LDHD: variants seen among roughly 807,000 people sequenced by gnomAD.
LDHD encodes D-lactate dehydrogenase, mitochondrial.
A neutral mutation model predicts 52.9 loss-of-function variants in LDHD; 58 were observed. The ratio of observed to expected loss-of-function variants is 1.10; its 90% CI spans 0.89 to 1.36. LDHD has a LOEUF of 1.36. Ranked by LOEUF, LDHD falls within the 40% of genes most tolerant of loss-of-function variation. The pLI, the probability that LDHD is intolerant of heterozygous loss-of-function variation, is 0.00. For synonymous variants in LDHD, 350 were observed against 288.6 expected, an observed-to-expected ratio of 1.21 and a Z score of -2.16; for missense variants, 747 against 668.0, an observed-to-expected ratio of 1.12 and a Z score of -1.30.
At chr16:75,113,446 C>G in intron 8 of LDHD, 89 bp downstream of exon 8, 2 of 1,457,514 alleles carry the variant, frequency 1.4e-6, no homozygotes, top group Non-Finnish European at 1.8e-6. Context: ...TGAGGCTCAG[C>G]CTGCTGCTCT....
intron 10 of LDHD, 34 bp from the exon 11 acceptor site, chr16:75,112,555 C>T: frequency 6.2e-7 from 1 of 1,613,408 alleles, no homozygotes; most frequent in South Asian, 1.1e-5. Flanking sequence ...TCAGGGGGCT[C>T]CCTTTCCTCT....
intron 1 of LDHD, 90 bp downstream of exon 1, chr16:75,116,559 G>A (rs963689876): frequency 1.6e-5 from 18 of 1,110,888 alleles, no homozygotes; most frequent in Middle Eastern, 2.0e-4. Flanking sequence ...GTGCTGGGGC[G>A]TCACAGAGCC....
intron 4 of LDHD, 43 bp from the exon 5 acceptor site, chr16:75,114,728 C>A (rs2036503208): frequency 6.5e-7 from 1 of 1,549,568 alleles, no homozygotes; most frequent in South Asian, 1.2e-5. Context: ...GACCGGAGGT[C>A]CTTTCCCTCG....
rs759458966 is a variant in LDHD at position 75,112,441 on chromosome 16, ACCT to A, written c.1367_1369del (p.Glu456del). 5.6e-6 allele frequency: 9 copies of A among 1,612,788 alleles called. No individual in the cohort carries two copies. The highest frequency in any genetic ancestry group is 1.1e-5 in the South Asian group (1 of 91,050). On this transcript the variant is annotated inframe_deletion, in exon 11 of 11. Coordinates refer to ENST00000450168, the MANE Select transcript of LDHD (RefSeq NM_194436.3). ...CATGGTCTCCACGCCCACGGCGCCCACCTCCTCCTGCAGCAGCTGCCGCTTGCC... is the reference window on the plus strand; with the variant it reads ...CATGGTCTCCACGCCCACGGCGCCCACCTCCTGCAGCAGCTGCCGCTTGCC...
Position 75,114,078 on chromosome 16 carries a change from C to G in LDHD, c.717G>C (p.Leu239=). The change falls in exon 6 of 11, where the codon CTG becomes CTC. Residue 239 remains leucine (L), a synonymous_variant. Coordinates refer to ENST00000450168, the MANE Select transcript of LDHD (RefSeq NM_194436.3). ...CCACTGTGGCCTCAGGGGCAGGGTG[C>G]AGGCGCAGGGTGGTGGCTGTGATGA... ...LGLITATTLR[L]HPAPEATVAA... is the part of the protein sequence containing the mutation. 4 of 1,611,300 alleles carry G rather than the reference C, an allele frequency of 2.5e-6. No individual in the cohort carries two copies. The highest frequency in any genetic ancestry group is 3.4e-6 in the Non-Finnish European group (4 of 1,179,878).
Position 75,114,487 on chromosome 16 carries a change from C to T in LDHD, c.629+39G>A, listed in dbSNP as rs13338549. On this transcript the variant is annotated intron_variant, in intron 5 of 10. Coordinates refer to ENST00000450168, the MANE Select transcript of LDHD (RefSeq NM_194436.3). ...CTGCAGGGCAGCCCGCCAGCAGTGC[C>T]CAGGGCCAGAGCCCGGGCCCCCCGC... 6.3e-4 allele frequency: 919 copies of T among 1,467,670 alleles called. 3 individuals are homozygous for T. In the African/African-American group the frequency reaches 0.011, roughly 18 times the overall value. 90.9% of individuals were successfully genotyped at this position (1,467,670 alleles called of 1,614,324 possible). A position where few individuals can be genotyped will look rare whatever the true frequency, so the allele number is the denominator to read the frequency against.
chr16:75,112,687 C>T lies in LDHD; in HGVS notation c.1204G>A (p.Gly402Ser), dbSNP rs199604636. Residue 402 changes from glycine (G) to serine (S), a missense_variant, in exon 10 of 11, where the codon GGC (glycine) becomes AGC (serine). By Grantham distance (56) the Gly-to-Ser change is moderately conservative. Coordinates refer to ENST00000450168, the MANE Select transcript of LDHD (RefSeq NM_194436.3). ...ACCAGCAGGATGCAGTGGAAGTTGC[C>T]GTCACCCACATGCCCGACAATGCTT... The part of the protein sequence containing the change: ...TGSIVGHVGD[G>S]NFHCILLVNP... 7.7e-5 allele frequency: 124 copies of T among 1,614,064 alleles called. No homozygotes were observed. The highest frequency in any genetic ancestry group is 9.5e-5 in the Non-Finnish European group (112 of 1,179,992).
chr16:75,114,000 GT>G lies in LDHD; in HGVS notation c.794del (p.His265ProfsTer9). The G allele has an allele frequency of 6.2e-7, 1 of 1,603,256 alleles. No individual in the cohort carries two copies. Among genetic ancestry groups the G allele is most frequent in the Non-Finnish European group, 8.5e-7 (1 of 1,175,288 alleles). On this transcript the variant is annotated frameshift_variant, in exon 6 of 11. Coordinates refer to ENST00000450168, the MANE Select transcript of LDHD (RefSeq NM_194436.3). LOFTEE classifies it high-confidence loss of function. The stretch of plus-strand genomic sequence containing the variant: ...CTACGGGCACTGCAGCCTGGAGGAT[GT>G]GTACAGTGCTGTCCACAGCAGCCTG... ...SVQAAVDSTV[H>X]ILQAAVPVAR...
At chr16:75,113,291 G>A (rs1026691697) in intron 8 of LDHD, among the ~76,000 whole-genome samples, 12 of 152,290 alleles carry the variant, frequency 7.9e-5, no homozygotes, top group African/African-American at 1.9e-4. Flanking sequence ...GCACCGCACC[G>A]TTCCCATGAC....
intron 1 of LDHD, 24 bp downstream of exon 1, chr16:75,116,625 A>G (rs772861342): frequency 1.3e-6 from 2 of 1,594,698 alleles, no homozygotes; most frequent in Non-Finnish European, 8.6e-7. Flanking sequence ...ATCCCTCCAG[A>G]GGACTTCTCT....
Position 75,115,317 on chromosome 16 carries a change from C to G in LDHD, c.208G>C (p.Val70Leu). ...ACCTGCTCCACGTTCTGGGGCCACA[C>G]CACAGCATCAGGAGGTTCGCACCTA... ...VHRCEPPDAV[V>L]WPQNVEQVSR... Residue 70 changes from valine to leucine, a missense_variant, in exon 3 of 11, where the codon GTG becomes CTG. Physicochemically the swap from Val to Leu is conservative, Grantham distance 32 (BLOSUM62 1). Coordinates refer to ENST00000450168, the MANE Select transcript of LDHD (RefSeq NM_194436.3). 6.2e-7 allele frequency: 1 copy of G among 1,613,650 alleles called. No individual in the cohort carries two copies. The highest frequency in any genetic ancestry group is 8.5e-7 in the Non-Finnish European group (1 of 1,180,018).
At position 75,115,344 on chromosome 16, in the gene LDHD, A is replaced by T; in HGVS notation, c.186-5T>A. 6.2e-7 allele frequency: 1 copy of T among 1,613,350 alleles called. No individual in the cohort carries two copies. The highest frequency in any genetic ancestry group is 8.5e-7 in the Non-Finnish European group (1 of 1,179,900). On this transcript the variant is annotated splice_polypyrimidine_tract_variant and splice_region_variant and intron_variant, in intron 2 of 10. Transcript: ENST00000450168. ...ACAGCATCAGGAGGTTCGCACCTAG[A>T]ACCAGACCCTCAGCGATTTAGCGGG...
chr16:75,115,740 C>T, intron 1 of LDHD, 80 bp from the exon 2 acceptor site: 1 of 911,540 alleles, frequency 1.1e-6, no homozygotes, highest in Non-Finnish European at 1.7e-6. Flanking sequence ...GGGGGGAGGG[C>T]TGGGGGCTGG....
At chr16:75,113,024 T>C in intron 8 of LDHD, 100 bp from the exon 9 acceptor site, 2 of 804,340 alleles carry the variant, frequency 2.5e-6, no homozygotes, top group Non-Finnish European at 4.2e-6. Flanking sequence ...GGGCTTCAGC[T>C]CTTGGCCTCA....
Position 75,112,346 on chromosome 16 carries a change from C to A in LDHD, c.*10G>T, listed in dbSNP as rs774225901. The A allele has an allele frequency of 6.2e-7, 1 of 1,600,764 alleles. No individual in the cohort carries two copies. Among genetic ancestry groups the A allele is most frequent in the South Asian group, 1.1e-5 (1 of 90,488 alleles). On this transcript the variant is annotated 3_prime_UTR_variant, in exon 11 of 11. Coordinates refer to ENST00000450168, the MANE Select transcript of LDHD (RefSeq NM_194436.3). ...TCAGGGAACTTGTGGGCTAAGTGCT[C>A]AGACCCCCTTCACAGCACTTTGCCT...
rs1272217137 is a variant in LDHD at position 75,112,216 on chromosome 16, C to G, written c.*140G>C. 9.8e-7 allele frequency: 1 copy of G among 1,021,968 alleles called. No individual in the cohort carries two copies. Among genetic ancestry groups the G allele is most frequent in the Non-Finnish European group, 1.4e-6 (1 of 706,844 alleles). 63.3% of individuals were successfully genotyped at this position (1,021,968 alleles called of 1,614,324 possible). A position where few individuals can be genotyped will look rare whatever the true frequency, so the allele number is the denominator to read the frequency against. ...TCAGGCTTCTCTCTGGGCCCTCTGGCCTTGGGCCCAGATACAGTGGGCTCG... is the reference window on the plus strand; with the variant it reads ...TCAGGCTTCTCTCTGGGCCCTCTGGGCTTGGGCCCAGATACAGTGGGCTCG... On this transcript the variant is annotated 3_prime_UTR_variant, in exon 11 of 11. Coordinates refer to ENST00000450168, the MANE Select transcript of LDHD (RefSeq NM_194436.3).
At chr16:75,114,201 T>G in intron 5 of LDHD, 36 bp from the exon 6 acceptor site, 1 of 1,606,604 alleles carries the variant, frequency 6.2e-7, no homozygotes. Flanking sequence ...AGTACCAGGC[T>G]GTGTGATGAG....
rs2036481800 is a variant in LDHD at position 75,114,176 on chromosome 16, G to C, written c.630-11C>G. 1 of 1,611,498 alleles carries C rather than the reference G, an allele frequency of 6.2e-7. No homozygotes were observed. The highest frequency in any genetic ancestry group is 8.5e-7 in the Non-Finnish European group (1 of 1,179,978). On this transcript the variant is annotated splice_polypyrimidine_tract_variant and intron_variant, in intron 5 of 10. Coordinates refer to ENST00000450168, the MANE Select transcript of LDHD (RefSeq NM_194436.3). ...CCGGCTGCACTCTTCCTACGTCCCA[G>C]GGACACACAAGGTGAGTACCAGGCT...
At chr16:75,113,495 C>A in intron 8 of LDHD, 40 bp downstream of exon 8, 1 of 1,567,964 alleles carries the variant, frequency 6.4e-7, no homozygotes, top group Admixed American at 1.9e-5. Context: ...GGTTTGTGGG[C>A]CGAGCTGTGG....
Sources: gnomAD v4.1 joint callset for allele counts (sites outside exome capture counted in the v4.1 genomes callset) on GRCh38, gnomAD v4.1.1 for gene constraint, MANE v1.5 for transcripts, NCBI Gene and HGNC (gene_info 2026-07-23, HGNC 2026-07-21) for gene names.